Variants in FAM120C observed in about 807,000 individuals in gnomAD.
The protein encoded by FAM120C is family with sequence similarity 120 member C.
A neutral mutation model predicts 71.2 loss-of-function variants in FAM120C; 14 were observed. The ratio of observed to expected loss-of-function variants is 0.20; its 90% CI spans 0.13 to 0.31. The LOEUF (loss-of-function observed/expected upper bound fraction) is 0.31, where lower values mean the gene tolerates loss of function less well. Ranked by LOEUF, FAM120C falls within the 10% of genes least tolerant of loss-of-function variation. The probability of loss-of-function intolerance (pLI) is 1.00; values close to 1 mark genes in which losing one functional copy is unlikely to be tolerated. For missense variants in FAM120C, 500 were observed against 879.0 expected, an observed-to-expected ratio of 0.57 and a Z score of 5.45; for synonymous variants, 354 against 353.2, an observed-to-expected ratio of 1.00 and a Z score of -0.03.
intron 10 of FAM120C, among the ~76,000 whole-genome samples, chrX:54,114,864 C>T (rs2066959406): frequency 1.8e-5 from 2 of 111,583 alleles, no homozygotes; most frequent in East Asian, 2.8e-4. Flanking sequence ...TCTCCTGCCT[C>T]AGCCTCTCAA....
Position 54,087,855 on chromosome X carries a change from T to C in FAM120C, c.2537A>G (p.His846Arg), listed in dbSNP as rs141797312. ...ATCAAAGTAAATCCATGGACAGCAA[T>C]GCTCCCAAGGGACTGGCTGGCCACA... ...DACGQPVPWEHCCPWIYFDGK... is the reference protein window; with the variant it reads ...DACGQPVPWERCCPWIYFDGK... Residue 846 changes from histidine to arginine, a missense_variant, in exon 12 of 16, where the codon CAT (histidine) becomes CGT (arginine). Physicochemically the swap from His to Arg is conservative, Grantham distance 29. Around this residue, in one of 11 missense-constraint regions of FAM120C, gnomAD observed 104 missense variants for 254.5 expected, o/e 0.41. Coordinates refer to ENST00000375180, the MANE Select transcript of FAM120C (RefSeq NM_017848.6). 5.8e-6 allele frequency: 7 copies of C among 1,209,523 alleles called. No individual in the cohort carries two copies. Among genetic ancestry groups the C allele is most frequent in the Non-Finnish European group, 7.8e-6 (7 of 895,070 alleles).
intron 3 of FAM120C, among the ~76,000 whole-genome samples, chrX:54,151,958 C>G (rs2067185872): frequency 9.0e-6 from 1 of 111,037 alleles, no homozygotes; most frequent in African/African-American, 3.3e-5. Context: ...ACTGTTGGAT[C>G]TGGAACACGT....
At chrX:54,178,230 G>C (rs2067328938) in intron 1 of FAM120C, among the ~76,000 whole-genome samples, 1 of 112,056 alleles carries the variant, frequency 8.9e-6, no homozygotes, top group Non-Finnish European at 1.9e-5. Context: ...TACTACTTTT[G>C]AATTCCTATA....
intron 10 of FAM120C, among the ~76,000 whole-genome samples, chrX:54,110,029 T>TC (rs1212760506): frequency 1.0e-5 from 1 of 95,824 alleles, no homozygotes; most frequent in Admixed American, 1.2e-4. Flanking sequence ...TTTTTTTTTT[T>TC]TTTCTGAGAT....
chrX:54,169,170 T>C (rs2067274785), intron 1 of FAM120C, among the ~76,000 whole-genome samples: 1 of 110,813 alleles, frequency 9.0e-6, no homozygotes, highest in Non-Finnish European at 1.9e-5. Flanking sequence ...TGATCGTACA[T>C]GCCTGTGGTC....
At chrX:54,157,208 G>A (rs1246862369) in intron 3 of FAM120C, among the ~76,000 whole-genome samples, 7 of 111,419 alleles carry the variant, frequency 6.3e-5, no homozygotes, top group African/African-American at 2.0e-4. Context: ...TTATAGACTT[G>A]TATGAATTCT....
chrX:54,154,663 A>G (rs1162737809), intron 3 of FAM120C, among the ~76,000 whole-genome samples: 1 of 110,499 alleles, frequency 9.0e-6, no homozygotes, highest in African/African-American at 3.3e-5. Context: ...GTTGCCTTCA[A>G]CAAAAATGAG....
intron 2 of FAM120C, among the ~76,000 whole-genome samples, chrX:54,158,301 G>T (rs1445293817): frequency 8.9e-6 from 1 of 112,053 alleles, no homozygotes. Flanking sequence ...TTTGCCAATG[G>T]CCTAATTCCA....
rs1315395225 is a variant in FAM120C at position 54,069,850 on chromosome X, A to G, written c.*3183T>C. Reference sequence around the variant, plus strand: ...GACTGGTCACTGACTAAGTAAGAGTAGGAGTTATAAGCTGATCCCAAGACA... The same window carrying G: ...GACTGGTCACTGACTAAGTAAGAGTGGGAGTTATAAGCTGATCCCAAGACA... On this transcript the variant is annotated 3_prime_UTR_variant, in exon 16 of 16. Transcript: ENST00000375180. The G allele has an allele frequency of 1.8e-5, 2 of 111,897 alleles. No homozygotes were observed. Among genetic ancestry groups the G allele is most frequent in the African/African-American group, 6.5e-5 (2 of 30,816 alleles). The allele number at this position is 111,897 out of a possible 1,213,427, so 9.2% of individuals were successfully genotyped here.
intron 1 of FAM120C, among the ~76,000 whole-genome samples, chrX:54,166,186 T>C (rs1557135143): frequency 9.0e-6 from 1 of 111,206 alleles, no homozygotes; most frequent in African/African-American, 3.3e-5. Context: ...ATAAGAGAAA[T>C]AAAAATTAAA....
rs1482819156 is a variant in FAM120C, at chrX:54,182,887, C to T, written c.312G>A (p.Pro104=). The T allele has an allele frequency of 2.6e-6, 3 of 1,138,354 alleles. No homozygotes were observed. The highest frequency in any genetic ancestry group is 3.5e-6 in the Non-Finnish European group (3 of 862,240). The allele number at this position is 1,138,354 out of a possible 1,213,427, so 93.8% of individuals were successfully genotyped here. ...GCTGAGGGGGCGGCGGCGGCGGCAG[C>T]GGAGGGTGCAGCCCGGGCTGCGCTT... The part of the protein sequence containing the change: ...HGQAQPGLHP[P]LPPPPPPQLP... Residue 104 remains proline, a synonymous_variant, in exon 1 of 16, where the codon CCG becomes CCA. Coordinates refer to ENST00000375180, the MANE Select transcript of FAM120C (RefSeq NM_017848.6).
chrX:54,173,037 C>T (rs2067296523), intron 1 of FAM120C, among the ~76,000 whole-genome samples: 1 of 112,403 alleles, frequency 8.9e-6, no homozygotes, highest in South Asian at 3.6e-4. Context: ...TTTGCAAATG[C>T]TTGTTTATAA....
In FAM120C at chrX:54,182,882, G is replaced by GGCGGCA. The variant is rs1569534151; in HGVS notation, c.316_317insTGCCGC (p.Leu105_Pro106insLeuPro). 8.8e-7 allele frequency: 1 copy of GGCGGCA among 1,135,689 alleles called. No homozygotes were observed. Among genetic ancestry groups the GGCGGCA allele is most frequent in the South Asian group, 2.1e-5 (1 of 47,820 alleles). The allele number at this position is 1,135,689 out of a possible 1,213,427, so 93.6% of individuals were successfully genotyped here. A position where few individuals can be genotyped will look rare whatever the true frequency, so the allele number is the denominator to read the frequency against. ...GGGCAGCTGAGGGGGCGGCGGCGGC[G>GGCGGCA]GCAGCGGAGGGTGCAGCCCGGGCTG... On this transcript the variant is annotated inframe_insertion, in exon 1 of 16. Transcript: ENST00000375180.
chrX:54,143,279 T>C (rs1478011980), intron 4 of FAM120C, among the ~76,000 whole-genome samples: 1 of 109,313 alleles, frequency 9.1e-6, no homozygotes, highest in Non-Finnish European at 1.9e-5. Context: ...GCAAACACAT[T>C]CAAAAGCTAG....
At chrX:54,164,454 T>A (rs1194261746) in intron 1 of FAM120C, among the ~76,000 whole-genome samples, 3 of 111,898 alleles carry the variant, frequency 2.7e-5, no homozygotes, top group African/African-American at 9.7e-5. Context: ...AATTCTATTT[T>A]CTGTCTCTAT....
At chrX:54,148,182 G>T (rs1166615908) in intron 4 of FAM120C, among the ~76,000 whole-genome samples, 3 of 110,957 alleles carry the variant, frequency 2.7e-5, no homozygotes, top group African/African-American at 9.8e-5. Context: ...ACTACAGACT[G>T]GGGGAAAATA....
chrX:54,181,029 T>C (rs1349695516), intron 1 of FAM120C, among the ~76,000 whole-genome samples: 2 of 109,992 alleles, frequency 1.8e-5, no homozygotes, highest in Non-Finnish European at 3.8e-5. Context: ...TGCCTTTTTT[T>C]TTTTTTTTAA....
chrX:54,153,407 A>AT lies in FAM120C; in HGVS notation c.1030-2035dup, dbSNP rs1477512938. 4.6e-3 allele frequency among the ~76,000 whole-genome samples: 498 copies of AT among 107,627 alleles called. 2 individuals carry two copies. Among genetic ancestry groups the AT allele is most frequent in the African/African-American group, 0.016 (466 of 29,280 alleles). The allele number at this position is 107,627 out of a possible 115,157, so 93.5% of individuals were successfully genotyped here. A position where few individuals can be genotyped will look rare whatever the true frequency, so the allele number is the denominator to read the frequency against. On this transcript the variant is annotated intron_variant, in intron 3 of 15. Coordinates refer to ENST00000375180, the MANE Select transcript of FAM120C (RefSeq NM_017848.6). ...GTGACATGAAGAGCCACTGGATAAT[A>AT]TATTTTTTTTTTTTTTTTGAGACGG...
At chrX:54,088,062 G>C (rs1295338489) in intron 11 of FAM120C, 98 bp from the exon 12 acceptor site, 2 of 712,369 alleles carry the variant, frequency 2.8e-6, no homozygotes, top group East Asian at 3.5e-5. Flanking sequence ...AGTTAAATTT[G>C]AACATGCTGT....
Sources: allele counts gnomAD v4.1 joint callset (sites outside exome capture counted in the v4.1 genomes callset), GRCh38; gene constraint gnomAD v4.1.1; regional missense constraint gnomAD v4.1.1; transcripts MANE v1.5; gene names NCBI Gene and HGNC (gene_info 2026-07-23, HGNC 2026-07-21).